The following FMN1 variants were observed in gnomAD, a reference collection of about 807,000 sequenced individuals.
The protein encoded by FMN1 is formin 1, also known as formin-1.
FMN1 carries 110 observed loss-of-function variants against 132.4 expected under a neutral mutation model. The observed-to-expected ratio is 0.83, with a 90% CI of 0.71 to 0.97. The LOEUF is 0.97. FMN1 is among the 50% of genes least tolerant of loss of function. The pLI, the probability that FMN1 is intolerant of heterozygous loss-of-function variation, is 0.00. For missense variants in FMN1, 1,792 were observed against 1,705.3 expected (o/e 1.05, Z -0.90); for synonymous variants, 722 against 651.7 (o/e 1.11, Z -1.64).
intron 6 of FMN1, among the ~76,000 whole-genome samples, chr15:33,033,483 A>G (rs894877087): frequency 1.3e-5 from 2 of 152,196 alleles, no homozygotes; most frequent in African/African-American, 4.8e-5. Context: ...TTCTTAGTAC[A>G]GAAGCTCTTA....
At chr15:32,935,482 A>G (rs911896293) in intron 9 of FMN1, among the ~76,000 whole-genome samples, 1 of 152,210 alleles carries the variant, frequency 6.6e-6, no homozygotes, top group Non-Finnish European at 1.5e-5. Flanking sequence ...GGGATTCTTC[A>G]ATCTGAATGT....
At chr15:33,071,018 G>A (rs148242556) in intron 5 of FMN1, among the ~76,000 whole-genome samples, 2,834 of 152,244 alleles carry the variant, frequency 0.019, 58 homozygotes, top group South Asian at 0.091. Flanking sequence ...AAGCCCAGAG[G>A]CTCCACTTCC....
At position 32,908,499 on chromosome 15, in the gene FMN1, T is replaced by TTA. The variant is rs756034687; in HGVS notation, c.3366_3367dup (p.Lys1123IlefsTer10). 3 of 1,609,402 alleles carry TTA rather than the reference T, an allele frequency of 1.9e-6. No individual in the cohort carries two copies. In the African/African-American group the frequency reaches 4.0e-5, roughly 22 times the overall value. ...TGTTAAGTATCCTTACTGCTCAGGT[T>TTA]TATCCAGCAGCTTCAGTTCTTCTTC... On this transcript the variant is annotated frameshift_variant, in exon 12 of 21. Transcript: ENST00000616417. LOFTEE classifies it high-confidence loss of function.
intron 10 of FMN1, among the ~76,000 whole-genome samples, chr15:32,923,599 G>A (rs1335954175): frequency 1.3e-5 from 2 of 152,148 alleles, no homozygotes; most frequent in South Asian, 2.1e-4. Context: ...GTCAACATTC[G>A]GACGCTGAAA....
chr15:32,789,232 A>T (rs1027072627), intron 19 of FMN1, among the ~76,000 whole-genome samples: 1 of 152,258 alleles, frequency 6.6e-6, no homozygotes, highest in South Asian at 2.1e-4. Flanking sequence ...GAAAGTGCCT[A>T]TAACCAAATG....
intron 17 of FMN1, among the ~76,000 whole-genome samples, chr15:32,834,587 C>A (rs2058581415): frequency 6.6e-6 from 1 of 152,210 alleles, no homozygotes. Context: ...AAGCTCTGTT[C>A]ATCTAATTCT....
chr15:32,898,759 T>C (rs764866843), intron 15 of FMN1, 75 bp downstream of exon 15: 17 of 967,622 alleles, frequency 1.8e-5, no homozygotes, highest in Non-Finnish European at 2.8e-5. Flanking sequence ...CGTTCATCCA[T>C]CTATCCATCA....
At chr15:33,183,347 T>C (rs1965768790) in intron 2 of FMN1, among the ~76,000 whole-genome samples, 2 of 152,264 alleles carry the variant, frequency 1.3e-5, no homozygotes, top group Admixed American at 1.3e-4. Context: ...ATTAAACAAG[T>C]ATTATTTGAG....
Position 33,143,086 on chromosome 15 carries a change from G to C in FMN1, c.1867+9962C>G, listed in dbSNP as rs113371595. Among the ~76,000 whole-genome samples, 639 of 152,270 alleles carry C rather than the reference G, an allele frequency of 4.2e-3. 6 individuals carry two copies. The highest frequency in any genetic ancestry group is 0.015 in the African/African-American group (618 of 41,550). ...GGTAAAGCCAATCATATGTTGTAAA[G>C]TTATTCCATTTAAAAGATCAGTTTC... On this transcript the variant is annotated intron_variant, in intron 4 of 20. Coordinates refer to ENST00000616417, the MANE Select transcript of FMN1 (RefSeq NM_001277313.2).
intron 10 of FMN1, among the ~76,000 whole-genome samples, chr15:32,919,639 G>T (rs2060772149): frequency 6.6e-6 from 1 of 152,128 alleles, no homozygotes. Context: ...AATAGACCTT[G>T]AGAAACATGC....
intron 9 of FMN1, among the ~76,000 whole-genome samples, chr15:32,956,684 A>T (rs867497402): frequency 3.9e-5 from 6 of 152,188 alleles, no homozygotes; most frequent in Non-Finnish European, 5.9e-5. Context: ...TCAGTTGTCA[A>T]CACGTGAAAA....
At chr15:32,815,859 A>G (rs2058044754) in intron 17 of FMN1, among the ~76,000 whole-genome samples, 1 of 152,192 alleles carries the variant, frequency 6.6e-6, no homozygotes, top group African/African-American at 2.4e-5. Context: ...TACACTGTGG[A>G]TTAACAGTGG....
At chr15:33,107,629 T>C (rs927945636) in intron 4 of FMN1, among the ~76,000 whole-genome samples, 2 of 152,046 alleles carry the variant, frequency 1.3e-5, no homozygotes, top group Non-Finnish European at 2.9e-5. Context: ...AAATGGCTGA[T>C]TTCTTCACAT....
intron 4 of FMN1, among the ~76,000 whole-genome samples, chr15:33,095,297 G>A (rs750282394): frequency 2.0e-5 from 3 of 152,132 alleles, no homozygotes; most frequent in South Asian, 2.1e-4. Context: ...GCAGTGAGCC[G>A]AGATTGTGCC....
chr15:32,889,928 A>C (rs996596889), intron 15 of FMN1, among the ~76,000 whole-genome samples: 10 of 151,462 alleles, frequency 6.6e-5, no homozygotes, highest in Admixed American at 2.0e-4. Context: ...TCCCCCTCCC[A>C]CTCTTATCCC....
chr15:33,124,894 T>C (rs543667541), intron 4 of FMN1, among the ~76,000 whole-genome samples: 2 of 152,186 alleles, frequency 1.3e-5, no homozygotes, highest in African/African-American at 4.8e-5. Flanking sequence ...AGAGCCTTGT[T>C]TGGCACAAGG....
intron 17 of FMN1, among the ~76,000 whole-genome samples, chr15:32,809,028 T>G (rs1464255591): frequency 1.3e-5 from 2 of 151,286 alleles, no homozygotes; most frequent in African/African-American, 4.9e-5. Context: ...CAGCTCATTT[T>G]GTTTTATTTC....
intron 9 of FMN1, among the ~76,000 whole-genome samples, chr15:32,942,112 G>A (rs1343391604): frequency 6.6e-6 from 1 of 152,186 alleles, no homozygotes; most frequent in Admixed American, 6.5e-5. Context: ...GCCAGGATTA[G>A]GGCATGTCAC....
Position 33,064,859 on chromosome 15 carries a change from G to T in FMN1, c.2161+98C>A, listed in dbSNP as rs559321352. 3.3e-4 allele frequency: 272 copies of T among 814,632 alleles called. 2 individuals are homozygous for T. In the African/African-American group the frequency reaches 4.2e-3, roughly 12 times the overall value. The allele number at this position is 814,632 out of a possible 1,614,324, so 50.5% of individuals were successfully genotyped here. ...ACCCTTCAGCATTACATTTTATAATGAAATAAAACCCCAAATTCTGAGAGT... is the reference window on the plus strand; with the variant it reads ...ACCCTTCAGCATTACATTTTATAATTAAATAAAACCCCAAATTCTGAGAGT... On this transcript the variant is annotated intron_variant, in intron 6 of 20. Coordinates refer to ENST00000616417, the MANE Select transcript of FMN1 (RefSeq NM_001277313.2).
Sources: allele counts gnomAD v4.1 joint callset (sites outside exome capture counted in the v4.1 genomes callset), GRCh38; gene constraint gnomAD v4.1.1; transcripts MANE v1.5; gene names NCBI Gene and HGNC (gene_info 2026-07-23, HGNC 2026-07-21).